The following CLCN4 variants were observed in gnomAD, a reference collection of about 807,000 sequenced individuals.
The protein encoded by CLCN4 is Cl-/H+ antiporter 4, also known as H(+)/Cl(-) exchange transporter 4.
A neutral mutation model predicts 41.7 loss-of-function variants in CLCN4; 1 was observed. That is an observed-to-expected ratio of 0.02 (90% confidence interval 0.01 to 0.11). The LOEUF is 0.11. CLCN4 is among the 10% of genes least tolerant of loss of function. The pLI, the probability that CLCN4 is intolerant of heterozygous loss-of-function variation, is 1.00. For missense variants in CLCN4, 287 were observed against 661.0 expected (o/e 0.43, Z 6.20); for synonymous variants, 277 against 285.8 (o/e 0.97, Z 0.31).
At chrX:10,193,891 A>G (rs1338474987) in intron 4 of CLCN4, among the ~76,000 whole-genome samples, 11 of 109,621 alleles carry the variant, frequency 1.0e-4, no homozygotes, top group Admixed American at 3.9e-4. Flanking sequence ...TGGTAGATTG[A>G]GGGGATGGAC....
In CLCN4 at chrX:10,206,453, C is replaced by T. The variant is rs199958606; in HGVS notation, c.651C>T (p.Ser217=). 622 of 1,208,323 alleles carry T rather than the reference C, an allele frequency of 5.1e-4. 2 individuals carry two copies. In the South Asian group the frequency reaches 6.4e-3, roughly 12 times the overall value. The change falls in exon 7 of 13, where the codon TCC becomes TCT. Residue 217 remains serine (S), a synonymous_variant. Transcript: ENST00000380833. ...KTVTLVLVVS[S]GLSLGKEGPL... ...TCACGCTGGTGCTGGTAGTGTCCTC[C>T]GGTCTGAGCCTTGGGAAGGAAGGGC...
chrX:10,194,155 G>A (rs1239076358), intron 4 of CLCN4, among the ~76,000 whole-genome samples: 1 of 109,872 alleles, frequency 9.1e-6, no homozygotes, highest in African/African-American at 3.3e-5. Flanking sequence ...GGATGCTTTT[G>A]GTGAGGATGT....
rs185097589 is a variant in CLCN4, at chrX:10,165,828, C to T, written c.-12+7277C>T. ...ACGCATCACACCAGCTCGCCTTTTA[C>T]CCCAAACATGGAATTGGCTCAAATG... On this transcript the variant is annotated intron_variant, in intron 2 of 12. Coordinates refer to ENST00000380833, the MANE Select transcript of CLCN4 (RefSeq NM_001830.4). Among the ~76,000 whole-genome samples, 17 of 112,035 alleles carry T rather than the reference C, an allele frequency of 1.5e-4. No homozygotes were observed. In the East Asian group the frequency reaches 4.5e-3, roughly 30 times the overall value.
intron 12 of CLCN4, among the ~76,000 whole-genome samples, chrX:10,232,503 C>T (rs137935169): frequency 8.9e-6 from 1 of 112,106 alleles, no homozygotes; most frequent in East Asian, 2.8e-4. Context: ...TCTGCATACC[C>T]CTTTTTTGGG....
intron 11 of CLCN4, among the ~76,000 whole-genome samples, chrX:10,218,199 A>C (rs1182604014): frequency 1.8e-5 from 2 of 112,562 alleles, no homozygotes; most frequent in East Asian, 5.5e-4. Context: ...AAATGAAAGT[A>C]ATACACACTC....
At chrX:10,201,319 A>G (rs527283948) in intron 6 of CLCN4, among the ~76,000 whole-genome samples, 7 of 111,646 alleles carry the variant, frequency 6.3e-5, no homozygotes, top group Middle Eastern at 4.7e-3. Context: ...TGATGGATTC[A>G]TTTCTCTATT....
chrX:10,166,412 G>T (rs1380501583), intron 2 of CLCN4, among the ~76,000 whole-genome samples: 3 of 111,852 alleles, frequency 2.7e-5, no homozygotes, highest in African/African-American at 9.8e-5. Flanking sequence ...TTTTGTGGAT[G>T]CATGAGAGCG....
chrX:10,216,012 T>G (rs757031633), intron 11 of CLCN4, among the ~76,000 whole-genome samples: 1 of 111,784 alleles, frequency 8.9e-6, no homozygotes, highest in African/African-American at 3.3e-5. Context: ...GCCCCTGTAC[T>G]CTGGTGGAGA....
intron 6 of CLCN4, among the ~76,000 whole-genome samples, chrX:10,199,732 T>C (rs1010193957): frequency 8.9e-6 from 1 of 112,260 alleles, no homozygotes; most frequent in Non-Finnish European, 1.9e-5. Flanking sequence ...ATTTTCTTTT[T>C]TTCTTTTTCC....
intron 6 of CLCN4, among the ~76,000 whole-genome samples, chrX:10,200,582 C>G (rs6639005): frequency 0.13 from 14,230 of 111,982 alleles, 730 homozygotes; most frequent in South Asian, 0.27. Flanking sequence ...GTTCGAATAT[C>G]AGTTCTATCT....
chrX:10,191,692 ATTTTTTTTTTTTTTT>A (rs760315418), intron 4 of CLCN4, among the ~76,000 whole-genome samples: 4 of 49,771 alleles, frequency 8.0e-5, no homozygotes, highest in African/African-American at 3.7e-4. Flanking sequence ...TATCTGGTTA[ATTTTTTTTTTTTTTT>A]TTTTTTTTTT....
chrX:10,214,224 TGG>T (rs1421567348), intron 11 of CLCN4, 145 bp downstream of exon 11: 4 of 615,136 alleles, frequency 6.5e-6, no homozygotes, highest in Non-Finnish European at 9.5e-6. Context: ...CCCAGGGGTC[TGG>T]CTCAAAAGCA....
chrX:10,215,618 C>G (rs1214149150), intron 11 of CLCN4, among the ~76,000 whole-genome samples: 1 of 111,280 alleles, frequency 9.0e-6, no homozygotes, highest in Non-Finnish European at 1.9e-5. Flanking sequence ...TTTTCATTCC[C>G]TAGGATCTTT....
chrX:10,208,686 G>A (rs971175210), intron 9 of CLCN4, 96 bp downstream of exon 9: 6 of 785,761 alleles, frequency 7.6e-6, no homozygotes, highest in Non-Finnish European at 1.1e-5. Context: ...AAAAAAAGGG[G>A]AACTGGCCTT....
intron 10 of CLCN4, 32 bp downstream of exon 10, chrX:10,212,685 C>A: frequency 1.7e-6 from 2 of 1,153,342 alleles, no homozygotes; most frequent in Admixed American, 2.3e-5. Flanking sequence ...GGAGGGGGAC[C>A]GGGGAACTAA....
At chrX:10,210,591 T>C (rs952264827) in intron 9 of CLCN4, among the ~76,000 whole-genome samples, 1 of 110,375 alleles carries the variant, frequency 9.1e-6, no homozygotes, top group Non-Finnish European at 1.9e-5. Context: ...ATCCTCCTGC[T>C]TTGGCCTCCC....
At chrX:10,188,324 C>T (rs980014405) in intron 4 of CLCN4, among the ~76,000 whole-genome samples, 88 of 112,521 alleles carry the variant, frequency 7.8e-4, no homozygotes, top group African/African-American at 2.7e-3. Context: ...TTTGCTACTA[C>T]TGGTAGGCTC....
chrX:10,167,297 T>C (rs774642124), intron 2 of CLCN4, among the ~76,000 whole-genome samples: 3 of 111,617 alleles, frequency 2.7e-5, no homozygotes, highest in Admixed American at 1.9e-4. Context: ...GTGGAATGAG[T>C]CCTGGCCACC....
intron 2 of CLCN4, among the ~76,000 whole-genome samples, chrX:10,170,909 G>T (rs1451894539): frequency 8.9e-6 from 1 of 112,345 alleles, no homozygotes; most frequent in East Asian, 2.8e-4. Context: ...TTTTGAGACA[G>T]CGTCTCGCTG....
Sources: gnomAD v4.1 joint callset for allele counts (sites outside exome capture counted in the v4.1 genomes callset) on GRCh38, gnomAD v4.1.1 for gene constraint, MANE v1.5 for transcripts, NCBI Gene and HGNC (gene_info 2026-07-23, HGNC 2026-07-21) for gene names.